Variants in STK39 observed in about 807,000 individuals in gnomAD.
The protein encoded by STK39 is serine/threonine kinase 39.
STK39 carries 20 observed loss-of-function variants against 77.8 expected under a neutral mutation model. The observed-to-expected ratio is 0.26, with a 90% confidence interval of 0.18 to 0.37. The LOEUF is 0.37. Ranked by LOEUF, STK39 falls within the 10% of genes least tolerant of loss-of-function variation. The probability of loss-of-function intolerance (pLI) is 1.00; values close to 1 mark genes in which losing one functional copy is unlikely to be tolerated. For synonymous variants in STK39, 246 were observed against 234.1 expected, an observed-to-expected ratio of 1.05 and a Z score of -0.47; for missense variants, 479 against 656.5, an observed-to-expected ratio of 0.73 and a Z score of 2.95.
intron 16 of STK39, among the ~76,000 whole-genome samples, chr2:167,980,753 G>GTTT (rs35891195): frequency 7.0e-6 from 1 of 141,926 alleles, no homozygotes; most frequent in African/African-American, 2.6e-5. Flanking sequence ...TCTTGTTGTT[G>GTTT]TTTTTTTTTT....
chr2:168,087,648 T>C (rs532171202), intron 10 of STK39, among the ~76,000 whole-genome samples: 1 of 152,328 alleles, frequency 6.6e-6, no homozygotes, highest in South Asian at 2.1e-4. Flanking sequence ...ATAAATCAAG[T>C]AAGCCAAGTC....
intron 14 of STK39, among the ~76,000 whole-genome samples, chr2:168,021,069 A>G (rs1179632657): frequency 6.6e-6 from 1 of 152,160 alleles, no homozygotes; most frequent in Non-Finnish European, 1.5e-5. Context: ...AAATGACAGG[A>G]AAAAAATGAG....
intron 4 of STK39, among the ~76,000 whole-genome samples, chr2:168,162,141 T>C (rs1688587553): frequency 6.6e-6 from 1 of 151,712 alleles, no homozygotes; most frequent in Non-Finnish European, 1.5e-5. Flanking sequence ...TAAAAATTAG[T>C]TGGGCATGGT....
intron 14 of STK39, among the ~76,000 whole-genome samples, chr2:168,049,866 G>A (rs539885274): frequency 2.3e-3 from 354 of 152,296 alleles, no homozygotes; most frequent in Non-Finnish European, 3.6e-3. Flanking sequence ...ATAGTGAAGC[G>A]TTAGAAACAC....
chr2:168,194,565 G>A (rs1689422887), intron 1 of STK39, among the ~76,000 whole-genome samples: 1 of 152,150 alleles, frequency 6.6e-6, no homozygotes, highest in Non-Finnish European at 1.5e-5. Context: ...GACAATGCCT[G>A]CCTTAGTAGA....
chr2:168,073,305 G>A lies in STK39; in HGVS notation c.1242+1677C>T, dbSNP rs116647901. Among the ~76,000 whole-genome samples, 433 of 152,322 alleles carry A rather than the reference G, an allele frequency of 2.8e-3. 4 individuals carry two copies. The highest frequency in any genetic ancestry group is 9.5e-3 in the African/African-American group (393 of 41,570). On this transcript the variant is annotated intron_variant, in intron 12 of 17. Transcript: ENST00000355999. ...ACCCATCAGCCTTACTAGCAAGGCA[G>A]GATCCAATGGATATCGTCCAATGAA...
intron 17 of STK39, among the ~76,000 whole-genome samples, chr2:167,961,712 T>C (rs1574346939): frequency 6.6e-6 from 1 of 152,154 alleles, no homozygotes; most frequent in African/African-American, 2.4e-5. Context: ...ACAATGGAAA[T>C]CCTACTTATT....
chr2:168,178,485 G>A (rs1003368587), intron 2 of STK39, among the ~76,000 whole-genome samples: 1 of 152,060 alleles, frequency 6.6e-6, no homozygotes, highest in Non-Finnish European at 1.5e-5. Context: ...AATTTTTAGT[G>A]GGCATAAAGC....
At chr2:167,960,054 T>C (rs1691906343) in intron 17 of STK39, among the ~76,000 whole-genome samples, 1 of 152,170 alleles carries the variant, frequency 6.6e-6, no homozygotes, top group Non-Finnish European at 1.5e-5. Flanking sequence ...TTTCATGGTT[T>C]TGCGTTAAAG....
intron 14 of STK39, among the ~76,000 whole-genome samples, chr2:168,054,201 G>A (rs1027688130): frequency 6.6e-6 from 1 of 152,246 alleles, no homozygotes; most frequent in Non-Finnish European, 1.5e-5. Flanking sequence ...GTTTCTGACT[G>A]CATTCAAAAC....
At chr2:168,137,721 C>A (rs75547583) in intron 8 of STK39, among the ~76,000 whole-genome samples, 280 of 152,302 alleles carry the variant, frequency 1.8e-3, no homozygotes, top group Admixed American at 3.1e-3. Flanking sequence ...ATATTCAAAT[C>A]CTGAGAGGTC....
intron 10 of STK39, among the ~76,000 whole-genome samples, chr2:168,091,290 C>T (rs1686517668): frequency 6.6e-6 from 1 of 152,124 alleles, no homozygotes; most frequent in African/African-American, 2.4e-5. Context: ...TCACAAGGTC[C>T]CTATGCAGAA....
chr2:168,042,353 A>G (rs148907240), intron 14 of STK39, among the ~76,000 whole-genome samples: 229 of 152,288 alleles, frequency 1.5e-3, no homozygotes, highest in African/African-American at 5.4e-3. Context: ...CTCTCTGTCC[A>G]TCTCTCTACG....
At chr2:167,983,952 C>T (rs950044774) in intron 16 of STK39, among the ~76,000 whole-genome samples, 4 of 152,074 alleles carry the variant, frequency 2.6e-5, no homozygotes, top group African/African-American at 9.7e-5. Context: ...CACGAGAAAG[C>T]TTGTGAGGAA....
At chr2:168,019,524 G>A (rs559096169) in intron 14 of STK39, among the ~76,000 whole-genome samples, 24 of 152,166 alleles carry the variant, frequency 1.6e-4, no homozygotes, top group South Asian at 1.0e-3. Flanking sequence ...AGGGATTACC[G>A]CACATAACTT....
At chr2:168,034,396 C>T (rs899857832) in intron 14 of STK39, among the ~76,000 whole-genome samples, 2 of 152,122 alleles carry the variant, frequency 1.3e-5, no homozygotes, top group African/African-American at 4.8e-5. Flanking sequence ...AATCAAAGAG[C>T]CAAGTTCATG....
At position 167,991,133 on chromosome 2, in the gene STK39, T is replaced by A. The variant is rs111343172; in HGVS notation, c.1498+21501A>T. 2.3e-3 allele frequency among the ~76,000 whole-genome samples: 347 copies of A among 152,306 alleles called. 1 individual carries two copies. Among genetic ancestry groups the A allele is most frequent in the African/African-American group, 7.9e-3 (330 of 41,572 alleles). On this transcript the variant is annotated intron_variant, in intron 16 of 17. Transcript: ENST00000355999. ...TTTCAAAGCTTGCTAGTCTGCAAAA[T>A]CCTATTCATCACAAAAATGTTGTAA...
chr2:168,020,587 T>C (rs1684545067), intron 14 of STK39, among the ~76,000 whole-genome samples: 1 of 151,334 alleles, frequency 6.6e-6, no homozygotes. Context: ...TACACATACA[T>C]ACATATGCAT....
intron 14 of STK39, among the ~76,000 whole-genome samples, chr2:168,023,785 G>T (rs1162659863): frequency 6.6e-6 from 1 of 152,160 alleles, no homozygotes; most frequent in Non-Finnish European, 1.5e-5. Context: ...CTCAAATGAA[G>T]ATGAAAGGCA....
Sources: gnomAD v4.1 joint callset for allele counts (sites outside exome capture counted in the v4.1 genomes callset) on GRCh38, gnomAD v4.1.1 for gene constraint, MANE v1.5 for transcripts, NCBI Gene and HGNC (gene_info 2026-07-23, HGNC 2026-07-21) for gene names.